SOBP: variants seen among roughly 807,000 people sequenced by gnomAD.
The protein encoded by SOBP is sine oculis binding protein homolog, also known as sine oculis-binding protein homolog.
Under a neutral mutation model 53.6 loss-of-function variants are expected in SOBP, and 4 were observed. That is an observed-to-expected ratio of 0.07 (90% CI 0.04 to 0.17). SOBP has a LOEUF of 0.17. SOBP is among the 10% of genes least tolerant of loss of function. The pLI is 1.00. For missense variants in SOBP, 1,088 were observed against 1,204.7 expected (o/e 0.90, Z 1.43); for synonymous variants, 584 against 522.6 (o/e 1.12, Z -1.60).
At chr6:107,653,969 C>A (rs1771912183) in intron 6 of SOBP, among the ~76,000 whole-genome samples, 1 of 152,160 alleles carries the variant, frequency 6.6e-6, no homozygotes, top group Non-Finnish European at 1.5e-5. Context: ...ATCTATAATT[C>A]TCTGGAAAAT....
intron 4 of SOBP, among the ~76,000 whole-genome samples, chr6:107,564,581 A>AACTAACTAACTAACTAACTAAC (rs756813445): frequency 1.3e-4 from 20 of 152,094 alleles, no homozygotes; most frequent in South Asian, 4.2e-4. Context: ...GTTGTTGACC[A>AACTAACTAACTAACTAACTAAC]TAGCTCTGTG....
chr6:107,526,166 C>T (rs749036266), intron 3 of SOBP, among the ~76,000 whole-genome samples: 27 of 151,908 alleles, frequency 1.8e-4, no homozygotes, highest in South Asian at 6.2e-4. Context: ...TTGGCCAGTC[C>T]GGTCTTGAAC....
Position 107,553,139 on chromosome 6 carries a change from G to T in SOBP, c.573+19529G>T, listed in dbSNP as rs562588356. Among the ~76,000 whole-genome samples, 23 of 151,892 alleles carry T rather than the reference G, an allele frequency of 1.5e-4. No individual in the cohort carries two copies. The East Asian group carries it at 4.1e-3, about 27-fold the overall frequency. ...AAAAAAGAAAAAGGAAACTATCTGAGCTGGGAGTTTAACTGTTTGAATCAT... is the reference window on the plus strand; with the variant it reads ...AAAAAAGAAAAAGGAAACTATCTGATCTGGGAGTTTAACTGTTTGAATCAT... On this transcript the variant is annotated intron_variant, in intron 4 of 6. Transcript: ENST00000317357.
intron 3 of SOBP, among the ~76,000 whole-genome samples, chr6:107,512,717 C>T (rs1035645456): frequency 7.2e-5 from 11 of 152,078 alleles, no homozygotes; most frequent in Non-Finnish European, 1.6e-4. Context: ...TCCATGACAA[C>T]ATTTTGCTCC....
At chr6:107,492,598 G>C (rs1782607180) in intron 1 of SOBP, among the ~76,000 whole-genome samples, 1 of 152,174 alleles carries the variant, frequency 6.6e-6, no homozygotes, top group African/African-American at 2.4e-5. Flanking sequence ...ACAGATGTTT[G>C]TCTGAACTGG....
intron 2 of SOBP, among the ~76,000 whole-genome samples, chr6:107,504,057 G>A (rs1418347218): frequency 6.6e-6 from 1 of 152,214 alleles, no homozygotes; most frequent in East Asian, 1.9e-4. Context: ...AAGTGCCATG[G>A]TCCTGCATAC....
chr6:107,640,947 C>A (rs1427974181), intron 6 of SOBP, among the ~76,000 whole-genome samples: 1 of 152,160 alleles, frequency 6.6e-6, no homozygotes, highest in Non-Finnish European at 1.5e-5. Flanking sequence ...GTCTCCTGGC[C>A]CCCTGGACTC....
At chr6:107,572,306 T>G (rs1472336849) in intron 4 of SOBP, among the ~76,000 whole-genome samples, 2 of 117,854 alleles carry the variant, frequency 1.7e-5, no homozygotes, top group Non-Finnish European at 3.2e-5. Flanking sequence ...TTTGCACACT[T>G]TTTTTTTTTT....
At chr6:107,525,370 A>T (rs1178329309) in intron 3 of SOBP, among the ~76,000 whole-genome samples, 3 of 152,224 alleles carry the variant, frequency 2.0e-5, no homozygotes, top group African/African-American at 4.8e-5. Context: ...ATGTTAAAGA[A>T]TCCAAGCTCA....
chr6:107,567,521 A>G (rs1430138893), intron 4 of SOBP, among the ~76,000 whole-genome samples: 1 of 152,228 alleles, frequency 6.6e-6, no homozygotes, highest in Non-Finnish European at 1.5e-5. Flanking sequence ...ACCAGAGCTC[A>G]TGTGTGTCTT....
intron 4 of SOBP, among the ~76,000 whole-genome samples, chr6:107,553,448 C>A (rs994473862): frequency 1.3e-5 from 2 of 151,238 alleles, no homozygotes; most frequent in African/African-American, 2.4e-5. Flanking sequence ...CCTGCCTCAG[C>A]GTCCCAAGTA....
intron 4 of SOBP, 91 bp downstream of exon 4, chr6:107,533,701 C>T: frequency 1.3e-6 from 2 of 1,490,582 alleles, no homozygotes; most frequent in East Asian, 4.5e-5. Flanking sequence ...AAACACTGCG[C>T]ACCTTTTACT....
chr6:107,559,151 T>C (rs1425630664), intron 4 of SOBP, among the ~76,000 whole-genome samples: 1 of 152,112 alleles, frequency 6.6e-6, no homozygotes, highest in Admixed American at 6.5e-5. Flanking sequence ...ATGAAGAACA[T>C]TGAAAGGAAT....
At chr6:107,548,372 AGC>A (rs1295727686) in intron 4 of SOBP, among the ~76,000 whole-genome samples, 3 of 151,128 alleles carry the variant, frequency 2.0e-5, no homozygotes, top group Non-Finnish European at 4.4e-5. Context: ...CCTCCCGAGC[AGC>A]TGGGACTACA....
intron 4 of SOBP, among the ~76,000 whole-genome samples, chr6:107,567,337 T>C (rs1240454567): frequency 6.6e-6 from 1 of 152,154 alleles, no homozygotes; most frequent in Non-Finnish European, 1.5e-5. Flanking sequence ...CCTATGGTAC[T>C]CAGCTAAAAT....
intron 4 of SOBP, among the ~76,000 whole-genome samples, chr6:107,585,334 A>G (rs888075769): frequency 1.3e-5 from 2 of 152,230 alleles, no homozygotes; most frequent in African/African-American, 4.8e-5. Flanking sequence ...TCACTGCCCA[A>G]TGGCATCTTC....
chr6:107,634,379 C>T lies in SOBP; in HGVS notation c.1535C>T (p.Pro512Leu). The T allele has an allele frequency of 6.3e-7, 1 of 1,596,322 alleles. No homozygotes were observed. The highest frequency in any genetic ancestry group is 8.5e-7 in the Non-Finnish European group (1 of 1,177,588). Residue 512 changes from proline to leucine, a missense_variant, in exon 6 of 7, where the codon CCG (proline) becomes CTG (leucine). This residue lies in a region of SOBP where 665 missense variants were observed against 629.7 expected (regional missense o/e 1.06). Transcript: ENST00000317357. The surrounding 1 kb of genome is among the most constrained non-coding windows in gnomAD (Gnocchi z 4.5). The part of the protein sequence containing the change: ...PVPQMMNFGL[P>L]SLAPLVPPPT... ...CCCCAGATGATGAATTTCGGGCTGC[C>T]GTCGCTTGCCCCGCTGGTGCCGCCC...
intron 5 of SOBP, among the ~76,000 whole-genome samples, chr6:107,605,998 C>G (rs879496855): frequency 1.3e-5 from 2 of 151,950 alleles, no homozygotes; most frequent in African/African-American, 4.8e-5. Flanking sequence ...GACACATACC[C>G]ACTACACATT....
At chr6:107,636,160 C>G (rs1368588840) in intron 6 of SOBP, 1 of 160,166 alleles carries the variant, frequency 6.2e-6, no homozygotes, top group Non-Finnish European at 1.4e-5. Flanking sequence ...GCGTCACTGA[C>G]CAGCTTTGCT....
Sources: gnomAD v4.1 joint callset for allele counts (sites outside exome capture counted in the v4.1 genomes callset) on GRCh38, gnomAD v4.1.1 for gene constraint, gnomAD v4.1.1 regional missense constraint, Gnocchi (gnomAD v3.1) non-coding constraint, MANE v1.5 for transcripts, NCBI Gene and HGNC (gene_info 2026-07-23, HGNC 2026-07-21) for gene names.